RUNDC3B: variants seen among roughly 807,000 people sequenced by gnomAD.
The protein encoded by RUNDC3B is RUN domain containing 3B.
A neutral mutation model predicts 58.4 loss-of-function variants in RUNDC3B; 33 were observed. That is an observed-to-expected ratio of 0.56 (90% CI 0.43 to 0.75). The LOEUF (loss-of-function observed/expected upper bound fraction) is 0.75. Among genes scored for constraint, RUNDC3B ranks in the 30% least tolerant of loss-of-function variants. RUNDC3B has a pLI of 0.00. For missense variants in RUNDC3B, 501 were observed against 535.7 expected (o/e 0.94, Z 0.64); for synonymous variants, 193 against 195.2 (o/e 0.99, Z 0.10).
intron 2 of RUNDC3B, among the ~76,000 whole-genome samples, chr7:87,668,270 A>G (rs1242239248): frequency 1.3e-5 from 2 of 151,910 alleles, no homozygotes; most frequent in African/African-American, 4.8e-5. Flanking sequence ...TAGTTTGTGT[A>G]TGTAGAGGTG....
chr7:87,670,209 T>G (rs1361279766), intron 2 of RUNDC3B, among the ~76,000 whole-genome samples: 2 of 152,248 alleles, frequency 1.3e-5, no homozygotes, highest in East Asian at 1.9e-4. Flanking sequence ...CTTTCTTATT[T>G]CAGAGAACCA....
chr7:87,788,703 C>CT (rs5885597), intron 8 of RUNDC3B, among the ~76,000 whole-genome samples: 4,383 of 128,212 alleles, frequency 0.034, 55 homozygotes, highest in Middle Eastern at 0.057. Flanking sequence ...CTTTTCAAAA[C>CT]TTTTTTTTTT....
At chr7:87,776,449 AG>A (rs1834632347) in intron 7 of RUNDC3B, among the ~76,000 whole-genome samples, 1 of 152,168 alleles carries the variant, frequency 6.6e-6, no homozygotes, top group African/African-American at 2.4e-5. Flanking sequence ...GACAAAACCA[AG>A]CAAAACTAAA....
At chr7:87,690,091 A>G (rs1827873974) in intron 2 of RUNDC3B, among the ~76,000 whole-genome samples, 1 of 151,892 alleles carries the variant, frequency 6.6e-6, no homozygotes, top group African/African-American at 2.4e-5. Context: ...CCACCTCCTA[A>G]AGGGCCGGGA....
At chr7:87,747,973 G>A (rs572005496) in intron 6 of RUNDC3B, among the ~76,000 whole-genome samples, 8 of 152,092 alleles carry the variant, frequency 5.3e-5, no homozygotes, top group Non-Finnish European at 1.0e-4. Flanking sequence ...CTGGATTTGC[G>A]CTCTTCCCCG....
intron 2 of RUNDC3B, among the ~76,000 whole-genome samples, chr7:87,684,746 CAAAAAAAA>C (rs71524694): frequency 7.9e-5 from 3 of 37,784 alleles, no homozygotes; most frequent in African/African-American, 3.6e-4. Flanking sequence ...GACTCCGTCT[CAAAAAAAA>C]AAAAAAAAAA....
intron 2 of RUNDC3B, among the ~76,000 whole-genome samples, chr7:87,672,583 A>G (rs771375788): frequency 2.0e-5 from 3 of 152,148 alleles, no homozygotes; most frequent in African/African-American, 4.8e-5. Context: ...CAGAGCTGCA[A>G]CTTCTTTTGC....
At position 87,700,411 on chromosome 7, in the gene RUNDC3B, T is replaced by C. The variant is rs1828927867; in HGVS notation, c.239-10T>C. ...TTTTAAAATTTTATATCGCAATTTG[T>C]CTCCTGAAGGTCAAGTAACCTGGTT... On this transcript the variant is annotated splice_polypyrimidine_tract_variant and intron_variant, in intron 2 of 10. Transcript: ENST00000394654. 2 of 1,577,416 alleles carry C rather than the reference T, an allele frequency of 1.3e-6. No individual in the cohort carries two copies. The highest frequency in any genetic ancestry group is 2.7e-5 in the African/African-American group (2 of 72,740).
chr7:87,703,898 T>C (rs1196137039), intron 3 of RUNDC3B, among the ~76,000 whole-genome samples: 8 of 112,870 alleles, frequency 7.1e-5, no homozygotes, highest in African/African-American at 2.8e-4. Context: ...TTTTTTTTTT[T>C]TTTTTTTTTT....
intron 1 of RUNDC3B, chr7:87,629,226 C>T (rs1181034394): frequency 1.2e-5 from 4 of 335,038 alleles, no homozygotes; most frequent in Admixed American, 4.9e-5. Flanking sequence ...TGCAATCTAG[C>T]GTCAGAGTGA....
At chr7:87,645,002 C>G (rs540079829) in intron 1 of RUNDC3B, among the ~76,000 whole-genome samples, 51 of 150,720 alleles carry the variant, frequency 3.4e-4, no homozygotes, top group African/African-American at 1.1e-3. Flanking sequence ...TCTCATTTCT[C>G]TTGCTATGAT....
At chr7:87,655,256 A>G (rs2130406506) in intron 2 of RUNDC3B, among the ~76,000 whole-genome samples, 1 of 152,312 alleles carries the variant, frequency 6.6e-6, no homozygotes, top group Non-Finnish European at 1.5e-5. Context: ...TGTCTCGAAG[A>G]GTTATCTCTA....
chr7:87,728,014 A>T (rs1161654002), intron 4 of RUNDC3B, among the ~76,000 whole-genome samples: 1 of 152,114 alleles, frequency 6.6e-6, no homozygotes, highest in African/African-American at 2.4e-5. Flanking sequence ...AGTTAACTAA[A>T]CCTATCTTCT....
In RUNDC3B at chr7:87,811,393, G is replaced by A. The variant is rs573509292; in HGVS notation, c.1103+3874G>A. Among the ~76,000 whole-genome samples, 7 of 151,654 alleles carry A rather than the reference G, an allele frequency of 4.6e-5. No individual in the cohort carries two copies. The South Asian group carries it at 1.5e-3, about 32-fold the overall frequency. On this transcript the variant is annotated intron_variant, in intron 9 of 10. Coordinates refer to ENST00000394654, the MANE Select transcript of RUNDC3B (RefSeq NM_001134405.2). ...TCTGTCGCCAGGCTAGAGTGCAGTG[G>A]CACGATCTCGGCTCACCACAACCTT...
chr7:87,818,374 C>T (rs1357375396), intron 10 of RUNDC3B, among the ~76,000 whole-genome samples: 2 of 152,052 alleles, frequency 1.3e-5, no homozygotes, highest in Non-Finnish European at 2.9e-5. Flanking sequence ...CCAACTGCCA[C>T]CCAACAAGAA....
At chr7:87,746,010 T>C (rs1563180600) in intron 6 of RUNDC3B, among the ~76,000 whole-genome samples, 1 of 152,176 alleles carries the variant, frequency 6.6e-6, no homozygotes, top group Non-Finnish European at 1.5e-5. Context: ...TCATTATTGT[T>C]GTTCAGTTTG....
intron 8 of RUNDC3B, among the ~76,000 whole-genome samples, chr7:87,797,193 A>T (rs1226400676): frequency 6.6e-6 from 1 of 152,188 alleles, no homozygotes; most frequent in Non-Finnish European, 1.5e-5. Context: ...ACTGCATCAT[A>T]AAATAATATC....
chr7:87,644,139 G>A (rs967031003), intron 1 of RUNDC3B, among the ~76,000 whole-genome samples: 4 of 152,232 alleles, frequency 2.6e-5, no homozygotes, highest in Admixed American at 2.0e-4. Context: ...GATTACAGGC[G>A]TGAGCCACCG....
chr7:87,703,143 C>G (rs145312796), intron 3 of RUNDC3B, among the ~76,000 whole-genome samples: 1 of 151,874 alleles, frequency 6.6e-6, no homozygotes, highest in South Asian at 2.1e-4. Context: ...CATTATTTCA[C>G]GATTATAGAA....
Sources: allele counts gnomAD v4.1 joint callset (sites outside exome capture counted in the v4.1 genomes callset), GRCh38; gene constraint gnomAD v4.1.1; transcripts MANE v1.5; gene names NCBI Gene and HGNC (gene_info 2026-07-23, HGNC 2026-07-21).